Variants in VAT1L observed in about 807,000 individuals in gnomAD.
The protein encoded by VAT1L is vesicle amine transport 1 like, also known as putative NADPH-dependent quinone oxidoreductase VAT1L.
In VAT1L, 34 loss-of-function variants were observed where a neutral mutation model predicts 44.1. That is an observed-to-expected ratio of 0.77 (90% CI 0.59 to 1.03). VAT1L has a LOEUF of 1.03. Among genes scored for constraint, VAT1L ranks in the 50% least tolerant of loss-of-function variants. The probability of loss-of-function intolerance (pLI) is 0.00; values close to 1 mark genes in which losing one functional copy is unlikely to be tolerated. For missense variants in VAT1L, 615 were observed against 538.8 expected (o/e 1.14, Z -1.40); for synonymous variants, 253 against 202.2 (o/e 1.25, Z -2.13).
intron 7 of VAT1L, among the ~76,000 whole-genome samples, chr16:77,914,379 G>C (rs899907792): frequency 6.6e-6 from 1 of 152,164 alleles, no homozygotes; most frequent in Non-Finnish European, 1.5e-5. Context: ...CATGCATTGT[G>C]TCCCAACCCC....
intron 4 of VAT1L, among the ~76,000 whole-genome samples, chr16:77,867,643 GAGGTC>G (rs1379578636): frequency 6.6e-6 from 1 of 152,112 alleles, no homozygotes; most frequent in East Asian, 1.9e-4. Flanking sequence ...AGGATCACCT[GAGGTC>G]AGGAGTTCAA....
chr16:77,901,829 G>A (rs1358276639), intron 7 of VAT1L, among the ~76,000 whole-genome samples: 1 of 152,186 alleles, frequency 6.6e-6, no homozygotes, highest in East Asian at 1.9e-4. Context: ...CGCAACCAAA[G>A]TGGGCAGAGC....
intron 1 of VAT1L, among the ~76,000 whole-genome samples, chr16:77,798,315 A>C (rs953120424): frequency 5.3e-5 from 8 of 152,250 alleles, no homozygotes; most frequent in Admixed American, 3.3e-4. Flanking sequence ...TAAAGTAGTT[A>C]ATGTGTGAAC....
At chr16:77,908,432 C>G (rs1272730561) in intron 7 of VAT1L, among the ~76,000 whole-genome samples, 1 of 134,282 alleles carries the variant, frequency 7.4e-6, no homozygotes, top group Non-Finnish European at 1.5e-5. Flanking sequence ...CCACTGCCCT[C>G]CAGGCTGGGG....
chr16:77,803,489 G>A (rs923005775), intron 1 of VAT1L, among the ~76,000 whole-genome samples: 2 of 138,286 alleles, frequency 1.4e-5, no homozygotes, highest in Admixed American at 1.7e-4. Flanking sequence ...GTGCGATCTC[G>A]GCTCACTGCA....
chr16:77,933,414 T>C (rs2017754631), intron 7 of VAT1L, among the ~76,000 whole-genome samples: 1 of 152,242 alleles, frequency 6.6e-6, no homozygotes, highest in Non-Finnish European at 1.5e-5. Flanking sequence ...GAATATTCAT[T>C]AAACACCTAC....
chr16:77,920,212 C>T (rs1473643338), intron 7 of VAT1L, among the ~76,000 whole-genome samples: 1 of 152,208 alleles, frequency 6.6e-6, no homozygotes, highest in African/African-American at 2.4e-5. Flanking sequence ...CCTAGTCAGT[C>T]CCTGGAAACT....
intron 3 of VAT1L, among the ~76,000 whole-genome samples, chr16:77,837,141 C>G (rs1465286537): frequency 6.6e-6 from 1 of 152,134 alleles, no homozygotes; most frequent in Non-Finnish European, 1.5e-5. Flanking sequence ...CTGCCTCTGC[C>G]TAGAGTGAGA....
rs1046022795 is a variant in VAT1L at position 77,898,175 on chromosome 16, A to G, written c.1077+13373A>G. On this transcript the variant is annotated intron_variant, in intron 7 of 8. Coordinates refer to ENST00000302536, the MANE Select transcript of VAT1L (RefSeq NM_020927.3). The stretch of plus-strand genomic sequence containing the variant: ...GGGCATCTATCTCCAAAATTCCCCC[A>G]CTTTATAAGAACACTAGTATTGGAT... Among the ~76,000 whole-genome samples, 9 of 152,034 alleles carry G rather than the reference A, an allele frequency of 5.9e-5. 1 individual carries two copies. The highest frequency in any genetic ancestry group is 2.6e-4 in the Admixed American group (4 of 15,266).
At chr16:77,924,147 C>G (rs1473497143) in intron 7 of VAT1L, among the ~76,000 whole-genome samples, 2 of 152,144 alleles carry the variant, frequency 1.3e-5, no homozygotes, top group Non-Finnish European at 2.9e-5. Flanking sequence ...CCCGGAGAAG[C>G]TATATTGACT....
At chr16:77,946,279 C>CTTTTTTTTTTTTGTTTTTTTTTTT (rs2017964131) in intron 7 of VAT1L, among the ~76,000 whole-genome samples, 1 of 70,428 alleles carries the variant, frequency 1.4e-5, no homozygotes, top group Non-Finnish European at 2.5e-5. Flanking sequence ...GTTACTTGTT[C>CTTTTTTTTTTTTGTTTTTTTTTTT]TTTTTTTTTT....
At chr16:77,919,011 G>A (rs1291665944) in intron 7 of VAT1L, among the ~76,000 whole-genome samples, 1 of 152,156 alleles carries the variant, frequency 6.6e-6, no homozygotes, top group Non-Finnish European at 1.5e-5. Context: ...TCGTGGCTAT[G>A]TAAACAGTGC....
At chr16:77,949,043 C>G (rs2018007438) in intron 7 of VAT1L, among the ~76,000 whole-genome samples, 1 of 152,200 alleles carries the variant, frequency 6.6e-6, no homozygotes, top group South Asian at 2.1e-4. Context: ...TATCAGTAAT[C>G]TGTATCTATC....
chr16:77,976,377 A>G (rs8062335), intron 8 of VAT1L, among the ~76,000 whole-genome samples: 32,150 of 152,174 alleles, frequency 0.21, 3,803 homozygotes, highest in East Asian at 0.44. Flanking sequence ...AAGGAAACAT[A>G]GGTATGGACT....
At chr16:77,914,234 T>C (rs569959491) in intron 7 of VAT1L, among the ~76,000 whole-genome samples, 1 of 152,360 alleles carries the variant, frequency 6.6e-6, no homozygotes, top group Admixed American at 6.5e-5. Context: ...TGATTTAAAA[T>C]ATGTATTAAA....
rs1490142402 is a variant in VAT1L, at chr16:77,825,955, A to G, written c.579+494A>G. 4.1e-5 allele frequency among the ~76,000 whole-genome samples: 6 copies of G among 146,634 alleles called. No homozygotes were observed. In the East Asian group the frequency reaches 8.2e-4, roughly 20 times the overall value. The stretch of plus-strand genomic sequence containing the variant: ...GAAGAATGGCGTGAACCCGGGAGGC[A>G]GAGCTTGCAGTGAGCCGAGATTGCG... On this transcript the variant is annotated intron_variant, in intron 3 of 8. Coordinates refer to ENST00000302536, the MANE Select transcript of VAT1L (RefSeq NM_020927.3).
chr16:77,956,306 C>T (rs895762881), intron 7 of VAT1L, among the ~76,000 whole-genome samples: 16 of 152,240 alleles, frequency 1.1e-4, no homozygotes, highest in South Asian at 2.1e-4. Context: ...ATTCTCATCT[C>T]GACTCTCCTC....
At chr16:77,966,141 G>T (rs140502914) in intron 7 of VAT1L, among the ~76,000 whole-genome samples, 1 of 152,170 alleles carries the variant, frequency 6.6e-6, no homozygotes, top group African/African-American at 2.4e-5. Flanking sequence ...AATTTCACCA[G>T]TTTCTTTTTA....
chr16:77,977,851 T>A lies in VAT1L; in HGVS notation c.*156T>A. The A allele has an allele frequency of 1.4e-6, 1 of 697,978 alleles. No individual in the cohort carries two copies. Among genetic ancestry groups the A allele is most frequent in the Non-Finnish European group, 2.5e-6 (1 of 406,326 alleles). The allele number at this position is 697,978 out of a possible 1,614,324, so 43.2% of individuals were successfully genotyped here. ...CTAAAAAGCTGTTGATCACTGTTGT[T>A]TTTTGAAGTGCCAATCCCATGCCAT... On this transcript the variant is annotated 3_prime_UTR_variant, in exon 9 of 9. Coordinates refer to ENST00000302536, the MANE Select transcript of VAT1L (RefSeq NM_020927.3).
Sources: allele counts gnomAD v4.1 joint callset (sites outside exome capture counted in the v4.1 genomes callset), GRCh38; gene constraint gnomAD v4.1.1; transcripts MANE v1.5; gene names NCBI Gene and HGNC (gene_info 2026-07-23, HGNC 2026-07-21).